Variants in ANKIB1 observed in about 807,000 individuals in gnomAD.
ANKIB1 encodes ankyrin repeat and IBR domain-containing protein 1.
Under a neutral mutation model 122.1 loss-of-function variants are expected in ANKIB1, and 43 were observed. The observed-to-expected ratio is 0.35, with a 90% CI of 0.28 to 0.45. ANKIB1 has a LOEUF of 0.45. ANKIB1 is among the 20% of genes least tolerant of loss of function. The probability of loss-of-function intolerance (pLI) is 1.00; values close to 1 mark genes in which losing one functional copy is unlikely to be tolerated. For missense variants in ANKIB1, 992 were observed against 1,329.5 expected (o/e 0.75, Z 3.95); for synonymous variants, 390 against 442.0 (o/e 0.88, Z 1.48).
At chr7:92,389,180 C>T (rs372468924) in intron 14 of ANKIB1, among the ~76,000 whole-genome samples, 1 of 152,140 alleles carries the variant, frequency 6.6e-6, no homozygotes, top group Admixed American at 6.6e-5. Context: ...AGAAGCAAAA[C>T]TTCACACATT....
intron 5 of ANKIB1, among the ~76,000 whole-genome samples, chr7:92,334,682 G>C (rs1391700574): frequency 2.0e-5 from 3 of 151,350 alleles, no homozygotes; most frequent in African/African-American, 7.3e-5. Context: ...AATCCAATAG[G>C]GCACAGAGAA....
At chr7:92,290,807 T>C (rs1003219950) in intron 1 of ANKIB1, among the ~76,000 whole-genome samples, 1 of 151,746 alleles carries the variant, frequency 6.6e-6, no homozygotes, top group Non-Finnish European at 1.5e-5. Context: ...TTTGTGGGAG[T>C]TGAAAGTTAA....
At chr7:92,337,914 G>A (rs766505840) in intron 5 of ANKIB1, among the ~76,000 whole-genome samples, 27 of 152,046 alleles carry the variant, frequency 1.8e-4, no homozygotes, top group African/African-American at 5.3e-4. Context: ...TAAATTATGC[G>A]TGAGTGAAAT....
intron 2 of ANKIB1, among the ~76,000 whole-genome samples, chr7:92,303,572 T>C (rs957953473): frequency 2.6e-5 from 4 of 151,902 alleles, no homozygotes. Context: ...AACATGGGGG[T>C]CAAGAACTGA....
At chr7:92,270,181 G>C (rs556168185) in intron 1 of ANKIB1, among the ~76,000 whole-genome samples, 3 of 152,102 alleles carry the variant, frequency 2.0e-5, no homozygotes, top group Non-Finnish European at 4.4e-5. Context: ...TCCCACCACA[G>C]CCACCCGAGT....
chr7:92,302,361 A>C (rs1021156732), intron 2 of ANKIB1, among the ~76,000 whole-genome samples: 1 of 152,150 alleles, frequency 6.6e-6, no homozygotes, highest in Non-Finnish European at 1.5e-5. Context: ...TCCTTTAGCT[A>C]TATGGTATCT....
At chr7:92,346,208 A>T (rs1167096239) in intron 7 of ANKIB1, among the ~76,000 whole-genome samples, 1 of 150,656 alleles carries the variant, frequency 6.6e-6, no homozygotes, top group Non-Finnish European at 1.5e-5. Flanking sequence ...GCTCACTGCA[A>T]CGTCTTCCTT....
chr7:92,307,403 A>G lies in ANKIB1; in HGVS notation c.233A>G (p.His78Arg). ...GGAAATCCAAATAAACGGAATGTGC[A>G]CAATGAAACATCTATGCATTTGTTG... The part of the protein sequence containing the change: ...RDGNPNKRNV[H>R]NETSMHLLCM... The change falls in exon 3 of 20, where the codon CAC (histidine) becomes CGC (arginine). Residue 78 changes from histidine to arginine, a missense_variant. His to Arg is a conservative substitution (Grantham distance 29, BLOSUM62 0). Coordinates refer to ENST00000265742, the MANE Select transcript of ANKIB1 (RefSeq NM_019004.2). 3 of 1,613,976 alleles carry G rather than the reference A, an allele frequency of 1.9e-6. No individual in the cohort carries two copies. Among genetic ancestry groups the G allele is most frequent in the Non-Finnish European group, 2.5e-6 (3 of 1,179,864 alleles).
At chr7:92,280,667 C>T (rs1214709861) in intron 1 of ANKIB1, among the ~76,000 whole-genome samples, 1 of 152,146 alleles carries the variant, frequency 6.6e-6, no homozygotes, top group East Asian at 1.9e-4. Context: ...ATCCCCCAAC[C>T]CCCAACTTTA....
chr7:92,378,265 A>G (rs969951974), intron 11 of ANKIB1, among the ~76,000 whole-genome samples: 7 of 152,150 alleles, frequency 4.6e-5, no homozygotes, highest in Admixed American at 6.5e-5. Context: ...CAGTATACCA[A>G]TTGAGCACCC....
chr7:92,288,515 A>C (rs1212170093), intron 1 of ANKIB1, among the ~76,000 whole-genome samples: 2 of 152,242 alleles, frequency 1.3e-5, no homozygotes, highest in Admixed American at 6.5e-5. Context: ...AAGGGAACTC[A>C]ATGGAGAAAG....
intron 11 of ANKIB1, among the ~76,000 whole-genome samples, chr7:92,372,519 T>C (rs1804292275): frequency 6.6e-6 from 1 of 152,180 alleles, no homozygotes; most frequent in African/African-American, 2.4e-5. Flanking sequence ...CCCAAAGCAG[T>C]GGCCAGACTT....
At chr7:92,331,424 T>C (rs1036901503) in intron 5 of ANKIB1, among the ~76,000 whole-genome samples, 1 of 151,980 alleles carries the variant, frequency 6.6e-6, no homozygotes, top group Non-Finnish European at 1.5e-5. Context: ...CACACCACCA[T>C]GCCTGGCTAA....
chr7:92,371,757 C>A, intron 11 of ANKIB1, 150 bp downstream of exon 11: 2 of 864,802 alleles, frequency 2.3e-6, no homozygotes, highest in South Asian at 4.0e-5. Context: ...GCAGGAGGAT[C>A]ACTTGAGGCC....
At chr7:92,379,776 C>A (rs183856300) in intron 11 of ANKIB1, among the ~76,000 whole-genome samples, 13 of 152,234 alleles carry the variant, frequency 8.5e-5, no homozygotes, top group Non-Finnish European at 1.9e-4. Context: ...ACCAGGAGGT[C>A]TTTTCCAAGA....
intron 3 of ANKIB1, among the ~76,000 whole-genome samples, chr7:92,308,860 A>G (rs1802626349): frequency 6.6e-6 from 1 of 152,192 alleles, no homozygotes; most frequent in Non-Finnish European, 1.5e-5. Flanking sequence ...ACTGGATTAC[A>G]GAGTATCTTT....
intron 5 of ANKIB1, 36 bp from the exon 6 acceptor site, chr7:92,342,987 TC>T: frequency 6.4e-7 from 1 of 1,572,962 alleles, no homozygotes; most frequent in African/African-American, 1.3e-5. Context: ...TACCATATTT[TC>T]TTTTTTGAGA....
At chr7:92,320,878 G>T (rs776145131) in intron 4 of ANKIB1, among the ~76,000 whole-genome samples, 18 of 151,966 alleles carry the variant, frequency 1.2e-4, no homozygotes, top group Non-Finnish European at 2.1e-4. Flanking sequence ...CAAACTGTTT[G>T]CTCAGTTGTA....
At chr7:92,343,728 C>T (rs1188731027) in intron 6 of ANKIB1, among the ~76,000 whole-genome samples, 1 of 152,094 alleles carries the variant, frequency 6.6e-6, no homozygotes, top group Admixed American at 6.6e-5. Context: ...GTGATGGGCA[C>T]TGTAAACCGA....
Sources: gnomAD v4.1 joint callset for allele counts (sites outside exome capture counted in the v4.1 genomes callset) on GRCh38, gnomAD v4.1.1 for gene constraint, MANE v1.5 for transcripts, NCBI Gene and HGNC (gene_info 2026-07-23, HGNC 2026-07-21) for gene names.